The following KBTBD2 variants were observed in gnomAD, a reference collection of about 807,000 sequenced individuals.
KBTBD2 encodes the protein kelch repeat and BTB domain containing 2.
In KBTBD2, 17 loss-of-function variants were observed where a neutral mutation model predicts 57.1. The observed-to-expected ratio is 0.30, with a 90% CI of 0.20 to 0.45. KBTBD2 has a LOEUF of 0.45. Among genes scored for constraint, KBTBD2 ranks in the 20% least tolerant of loss-of-function variants. The pLI is 1.00. For missense variants in KBTBD2, 515 were observed against 750.6 expected, an observed-to-expected ratio of 0.69 and a Z score of 3.67; for synonymous variants, 267 against 262.7, an observed-to-expected ratio of 1.02 and a Z score of -0.16.
chr7:32,887,354 T>C (rs1784605495), intron 1 of KBTBD2, among the ~76,000 whole-genome samples: 1 of 152,178 alleles, frequency 6.6e-6, no homozygotes, highest in Non-Finnish European at 1.5e-5. Context: ...AACAATAATA[T>C]ACTGTGTATT....
At chr7:32,891,134 C>A (rs985895260) in intron 1 of KBTBD2, 1 of 152,112 alleles carries the variant, frequency 6.6e-6, no homozygotes, top group Non-Finnish European at 1.5e-5. Flanking sequence ...CACCATGTCG[C>A]GAACACGTCG....
At chr7:32,888,131 T>A (rs1388726912) in intron 1 of KBTBD2, among the ~76,000 whole-genome samples, 3 of 152,242 alleles carry the variant, frequency 2.0e-5, no homozygotes, top group Admixed American at 2.0e-4. Flanking sequence ...ATCCAATGTT[T>A]TCAGAGAATA....
intron 1 of KBTBD2, chr7:32,891,163 A>T (rs1033468907): frequency 6.6e-6 from 1 of 151,752 alleles, no homozygotes; most frequent in South Asian, 2.1e-4. Flanking sequence ...TAAGGGAAAC[A>T]GCTTTACTTC....
intron 1 of KBTBD2, among the ~76,000 whole-genome samples, chr7:32,890,549 A>T (rs544240872): frequency 6.6e-6 from 1 of 152,334 alleles, no homozygotes; most frequent in South Asian, 2.1e-4. Flanking sequence ...AAAAGAAAAT[A>T]TCATTTTGGT....
At chr7:32,875,701 A>C (rs1318777453) in intron 2 of KBTBD2, among the ~76,000 whole-genome samples, 1 of 152,240 alleles carries the variant, frequency 6.6e-6, no homozygotes, top group Non-Finnish European at 1.5e-5. Flanking sequence ...CCATGAAATA[A>C]TACTCAGCAA....
intron 1 of KBTBD2, among the ~76,000 whole-genome samples, chr7:32,883,943 A>G (rs186927266): frequency 5.9e-5 from 9 of 152,376 alleles, no homozygotes; most frequent in African/African-American, 9.6e-5. Context: ...CCAAGAAGCA[A>G]GCAAATGAGT....
upstream of KBTBD2, chr7:32,891,894 C>CCGCCGCGCGCTCT (rs1784766128): frequency 1.8e-5 from 2 of 108,660 alleles, no homozygotes; most frequent in Admixed American, 8.3e-5. Flanking sequence ...CCCGCCGCCC[C>CCGCCGCGCGCTCT]CGCCCCCGCC....
At chr7:32,888,687 T>G (rs1583794985) in intron 1 of KBTBD2, among the ~76,000 whole-genome samples, 1 of 139,694 alleles carries the variant, frequency 7.2e-6, no homozygotes, top group African/African-American at 2.7e-5. Context: ...ACAGCGAGAC[T>G]CCGTCCCAAA....
At chr7:32,880,468 C>G (rs894188940) in intron 1 of KBTBD2, among the ~76,000 whole-genome samples, 1 of 151,748 alleles carries the variant, frequency 6.6e-6, no homozygotes, top group Non-Finnish European at 1.5e-5. Flanking sequence ...CCATTCAATT[C>G]ACTAGGAGAA....
At chr7:32,876,596 T>C (rs1784317683) in intron 2 of KBTBD2, among the ~76,000 whole-genome samples, 1 of 152,176 alleles carries the variant, frequency 6.6e-6, no homozygotes, top group Non-Finnish European at 1.5e-5. Context: ...AAACTGGCTA[T>C]CAGGCTATGA....
At chr7:32,875,643 C>T (rs1158786894) in intron 2 of KBTBD2, among the ~76,000 whole-genome samples, 1 of 152,080 alleles carries the variant, frequency 6.6e-6, no homozygotes. Context: ...TTCCACCATG[C>T]CATTTTGAGT....
Position 32,870,311 on chromosome 7 carries a change from T to C in KBTBD2, c.906A>G (p.Pro302=), listed in dbSNP as rs762808161. ...AEKVYKLCSP[P]ADLHKVGTVV... ...CGGTCCCAACCTTATGCAAATCAGCTGGTGGGCTACATAACTTGTAAACTT... is the reference window on the plus strand; with the variant it reads ...CGGTCCCAACCTTATGCAAATCAGCCGGTGGGCTACATAACTTGTAAACTT... Residue 302 remains proline, a synonymous_variant, in exon 4 of 4, where the codon CCA becomes CCG. Transcript: ENST00000304056. 6 of 1,614,008 alleles carry C rather than the reference T, an allele frequency of 3.7e-6. No homozygotes were observed. In the Admixed American group the frequency reaches 8.3e-5, roughly 22 times the overall value.
At chr7:32,889,808 CTT>C (rs1281847866) in intron 1 of KBTBD2, among the ~76,000 whole-genome samples, 1 of 152,242 alleles carries the variant, frequency 6.6e-6, no homozygotes, top group Admixed American at 6.5e-5. Context: ...AAGGGGGACT[CTT>C]TTCTAAATGT....
intron 1 of KBTBD2, among the ~76,000 whole-genome samples, chr7:32,890,690 G>A (rs1784710083): frequency 6.6e-6 from 1 of 152,180 alleles, no homozygotes; most frequent in Non-Finnish European, 1.5e-5. Flanking sequence ...TGACACAGAA[G>A]ATAGTTCACA....
rs567063316 is a variant in KBTBD2, at chr7:32,869,483, A to C, written c.1734T>G (p.Asp578Glu). The C allele has an allele frequency of 6.2e-7, 1 of 1,614,074 alleles. No homozygotes were observed. The highest frequency in any genetic ancestry group is 1.3e-5 in the African/African-American group (1 of 75,026). Residue 578 changes from aspartate (D) to glutamate (E), a missense_variant, in exon 4 of 4, where the codon GAT becomes GAG. Physicochemically the swap from Asp to Glu is conservative, Grantham distance 45. Transcript: ENST00000304056. ...AGAGTTTCCCCACAGTGCATCGAAAATCTCTCCCCAAGTCCCACAGTACAC... is the reference window on the plus strand; with the variant it reads ...AGAGTTTCCCCACAGTGCATCGAAACTCTCTCCCCAAGTCCCACAGTACAC... ...SERVLWDLGR[D>E]FRCTVGKLYP...
intron 3 of KBTBD2, among the ~76,000 whole-genome samples, chr7:32,873,999 A>T (rs1027950992): frequency 6.6e-6 from 1 of 152,204 alleles, no homozygotes; most frequent in African/African-American, 2.4e-5. Flanking sequence ...ATGGTGGTTC[A>T]TACCTGTAAT....
At chr7:32,874,912 A>C (rs1299188678) in intron 3 of KBTBD2, 80 bp downstream of exon 3, 2 of 1,173,196 alleles carry the variant, frequency 1.7e-6, no homozygotes, top group Admixed American at 4.0e-5. Context: ...CGGAGGTTGC[A>C]GTGAGCGGAG....
chr7:32,885,002 G>GTATA (rs140922726), intron 1 of KBTBD2, among the ~76,000 whole-genome samples: 30 of 118,204 alleles, frequency 2.5e-4, no homozygotes, highest in African/African-American at 8.7e-4. Flanking sequence ...ACATATATGT[G>GTATA]TATATATATA....
chr7:32,876,857 T>C (rs1284766396), intron 2 of KBTBD2, among the ~76,000 whole-genome samples: 1 of 151,982 alleles, frequency 6.6e-6, no homozygotes, highest in Non-Finnish European at 1.5e-5. Flanking sequence ...CTCAGGAGGC[T>C]GAGGCAGGAA....
Sources: gnomAD v4.1 joint callset for allele counts (sites outside exome capture counted in the v4.1 genomes callset) on GRCh38, gnomAD v4.1.1 for gene constraint, MANE v1.5 for transcripts, NCBI Gene and HGNC (gene_info 2026-07-23, HGNC 2026-07-21) for gene names.